The following CIMIP6 variants were observed in gnomAD, a reference collection of about 807,000 sequenced individuals.
CIMIP6 encodes uncharacterized protein C2orf73.
At chr2:54,355,994 T>C in the CIMIP6 span, among the ~76,000 whole-genome samples, 11 of 152,200 alleles carry the variant, frequency 7.2e-5, no homozygotes, top group Non-Finnish European at 1.6e-4. Context: ...GTCTGGTTTG[T>C]ATGTCTCCCA....
the CIMIP6 span, among the ~76,000 whole-genome samples, chr2:54,354,879 C>T: frequency 0.78 from 117,966 of 151,848 alleles, 45,924 homozygotes; most frequent in Non-Finnish European, 0.8. Context: ...TGAGTTTTTA[C>T]AGGTATAATA....
the CIMIP6 span, among the ~76,000 whole-genome samples, chr2:54,367,723 C>G: frequency 6.6e-6 from 1 of 152,004 alleles, no homozygotes; most frequent in Non-Finnish European, 1.5e-5. Flanking sequence ...TGCTTTTGGT[C>G]AGTAAAATAT....
chr2:54,366,097 A>G, the CIMIP6 span, among the ~76,000 whole-genome samples: 1 of 152,196 alleles, frequency 6.6e-6, no homozygotes, highest in East Asian at 1.9e-4. Context: ...ACCCATTTTT[A>G]GCTGGAAATT....
the CIMIP6 span, among the ~76,000 whole-genome samples, chr2:54,375,629 A>G: frequency 1.3e-5 from 2 of 152,220 alleles, no homozygotes; most frequent in East Asian, 3.8e-4. Flanking sequence ...AAATAACTAT[A>G]CAAGAAAACA....
chr2:54,381,994 T>A, the CIMIP6 span: 1 of 1,531,758 alleles, frequency 6.5e-7, no homozygotes, highest in East Asian at 2.5e-5. Flanking sequence ...CAGTAAGTAT[T>A]AGCAGTTTCA....
At chr2:54,372,266 A>T in the CIMIP6 span, among the ~76,000 whole-genome samples, 1 of 152,254 alleles carries the variant, frequency 6.6e-6, no homozygotes, top group Non-Finnish European at 1.5e-5. Context: ...CAATGATATT[A>T]TGACGCAGGA....
the CIMIP6 span, among the ~76,000 whole-genome samples, chr2:54,348,933 TAACA>T: frequency 2.0e-5 from 3 of 152,224 alleles, no homozygotes; most frequent in Non-Finnish European, 4.4e-5. Flanking sequence ...CACAGTCAGT[TAACA>T]AACAGCTATG....
the CIMIP6 span, among the ~76,000 whole-genome samples, chr2:54,384,124 C>T: frequency 1.3e-5 from 2 of 152,198 alleles, no homozygotes; most frequent in East Asian, 1.9e-4. Context: ...AATTACAAGA[C>T]GCCTGGTGGT....
the CIMIP6 span, among the ~76,000 whole-genome samples, chr2:54,365,439 A>G: frequency 1.3e-5 from 2 of 152,226 alleles, no homozygotes; most frequent in African/African-American, 2.4e-5. Flanking sequence ...AAAACTTCCC[A>G]GGAAAGGAGT....
chr2:54,365,924 T>C, the CIMIP6 span, among the ~76,000 whole-genome samples: 1 of 152,144 alleles, frequency 6.6e-6, no homozygotes, highest in Admixed American at 6.5e-5. Context: ...CAAAAAGATT[T>C]TTAAAATATT....
At chr2:54,375,837 G>A in the CIMIP6 span, among the ~76,000 whole-genome samples, 1 of 151,930 alleles carries the variant, frequency 6.6e-6, no homozygotes. Context: ...TATTGATATA[G>A]GTAGTATGTT....
At chr2:54,349,288 C>G in the CIMIP6 span, among the ~76,000 whole-genome samples, 1 of 151,914 alleles carries the variant, frequency 6.6e-6, no homozygotes, top group Non-Finnish European at 1.5e-5. Context: ...TATATAAGAT[C>G]AGAATACTGA....
chr2:54,343,570 A>G, the CIMIP6 span: 8 of 513,558 alleles, frequency 1.6e-5, no homozygotes, highest in Non-Finnish European at 2.4e-5. Context: ...TTTTTTGTGA[A>G]AAGATATTTC....
At chr2:54,348,040 A>T in the CIMIP6 span, among the ~76,000 whole-genome samples, 1 of 152,136 alleles carries the variant, frequency 6.6e-6, no homozygotes, top group Non-Finnish European at 1.5e-5. Context: ...GTGTGATTGT[A>T]CTGGGGCTTG....
the CIMIP6 span, chr2:54,343,602 A>G: frequency 1.7e-6 from 1 of 602,900 alleles, no homozygotes; most frequent in Non-Finnish European, 2.5e-6. Flanking sequence ...ACTCCACATT[A>G]GTACTGGGAT....
the CIMIP6 span, among the ~76,000 whole-genome samples, chr2:54,345,722 T>C: frequency 6.6e-6 from 1 of 152,028 alleles, no homozygotes; most frequent in Non-Finnish European, 1.5e-5. Flanking sequence ...CTACACAACC[T>C]CTAAAATAAT....
the CIMIP6 span, among the ~76,000 whole-genome samples, chr2:54,331,877 C>G: frequency 6.6e-6 from 1 of 152,094 alleles, no homozygotes; most frequent in Non-Finnish European, 1.5e-5. Flanking sequence ...GGTTCTCACA[C>G]TTGAACGTGC....
At chr2:54,363,271 T>A in the CIMIP6 span, among the ~76,000 whole-genome samples, 1 of 152,178 alleles carries the variant, frequency 6.6e-6, no homozygotes, top group Non-Finnish European at 1.5e-5. Flanking sequence ...TGGGACAAGT[T>A]TGGGATGTAG....
At chr2:54,343,957 C>T in the CIMIP6 span, 4 of 1,199,656 alleles carry the variant, frequency 3.3e-6, no homozygotes, top group Non-Finnish European at 4.4e-6. Context: ...GTCCGGACAG[C>T]TCCTGAAAAT....
Sources: allele counts gnomAD v4.1 joint callset (sites outside exome capture counted in the v4.1 genomes callset), GRCh38; gene constraint gnomAD v4.1.1; transcripts MANE v1.5; gene names NCBI Gene and HGNC (gene_info 2026-07-23, HGNC 2026-07-21).